The following CNIH3 variants were observed in gnomAD, a reference collection of about 807,000 sequenced individuals.
CNIH3 encodes the protein cornichon family AMPA receptor auxiliary protein 3.
A neutral mutation model predicts 24.1 loss-of-function variants in CNIH3; 14 were observed. That is an observed-to-expected ratio of 0.58 (90% confidence interval 0.38 to 0.91). The LOEUF (loss-of-function observed/expected upper bound fraction) is 0.91, where lower values mean the gene tolerates loss of function less well. CNIH3 is among the 40% of genes least tolerant of loss of function. The probability of loss-of-function intolerance (pLI) is 0.00; values close to 1 mark genes in which losing one functional copy is unlikely to be tolerated. For missense variants in CNIH3, 178 were observed against 196.8 expected (o/e 0.90, Z 0.57); for synonymous variants, 68 against 73.8 (o/e 0.92, Z 0.40).
chr1:224,557,360 T>C (rs1680179635), intron 3 of CNIH3, among the ~76,000 whole-genome samples: 1 of 152,094 alleles, frequency 6.6e-6, no homozygotes, highest in Non-Finnish European at 1.5e-5. Context: ...CTTTCCCCTC[T>C]TAGAAGGAGT....
At chr1:224,683,814 T>C (rs1686516645) in intron 2 of CNIH3, among the ~76,000 whole-genome samples, 1 of 152,236 alleles carries the variant, frequency 6.6e-6, no homozygotes, top group Non-Finnish European at 1.5e-5. Flanking sequence ...GCATTCCCTT[T>C]CGTGCGTGTG....
intron 5 of CNIH3, among the ~76,000 whole-genome samples, chr1:224,586,577 T>C (rs151205994): frequency 0.012 from 1,847 of 152,260 alleles, 9 homozygotes; most frequent in Non-Finnish European, 0.019. Context: ...CTTCGAGCCT[T>C]AGAGAAAGTC....
intron 1 of CNIH3, among the ~76,000 whole-genome samples, chr1:224,633,756 A>G (rs926118724): frequency 2.0e-5 from 3 of 152,124 alleles, no homozygotes; most frequent in Non-Finnish European, 4.4e-5. Flanking sequence ...CCAGGACTGC[A>G]CTCAGTGGGA....
chr1:224,510,158 G>A (rs1452875044), intron 1 of CNIH3, among the ~76,000 whole-genome samples: 1 of 152,172 alleles, frequency 6.6e-6, no homozygotes, highest in East Asian at 1.9e-4. Context: ...ACTGAGGGAA[G>A]TCTATGGATG....
chr1:224,532,519 A>T (rs1440332492), intron 2 of CNIH3, among the ~76,000 whole-genome samples: 1 of 152,176 alleles, frequency 6.6e-6, no homozygotes, highest in African/African-American at 2.4e-5. Context: ...GGCGGCTCCC[A>T]TCTGGGTGGT....
chr1:224,599,225 G>C (rs955196341), intron 3 of CNIH3, among the ~76,000 whole-genome samples: 1 of 152,144 alleles, frequency 6.6e-6, no homozygotes, highest in African/African-American at 2.4e-5. Flanking sequence ...TGCTCCAGGT[G>C]GTGTTAGCTG....
chr1:224,701,392 C>T (rs891527128), intron 3 of CNIH3, among the ~76,000 whole-genome samples: 13 of 152,054 alleles, frequency 8.5e-5, no homozygotes, highest in African/African-American at 2.9e-4. Context: ...TAGAGGGCCA[C>T]TTCCTGGTTC....
At chr1:224,519,954 A>G (rs1342459759) in intron 1 of CNIH3, among the ~76,000 whole-genome samples, 1 of 152,160 alleles carries the variant, frequency 6.6e-6, no homozygotes, top group Non-Finnish European at 1.5e-5. Context: ...GACAGTGCAG[A>G]ATAGAATATT....
At chr1:224,471,403 C>G (rs1371671384) in intron 1 of CNIH3, among the ~76,000 whole-genome samples, 4 of 152,138 alleles carry the variant, frequency 2.6e-5, no homozygotes, top group Non-Finnish European at 4.4e-5. Flanking sequence ...CCCACTCCCC[C>G]ACTACCCTTC....
chr1:224,523,488 G>A lies in CNIH3; in HGVS notation n.343+2161G>A, dbSNP rs560845281. Among the ~76,000 whole-genome samples the A allele has an allele frequency of 5.3e-5, 8 of 152,240 alleles. No individual in the cohort carries two copies. In the South Asian group the frequency reaches 1.7e-3, roughly 32 times the overall value. On this transcript the variant is annotated intron_variant and non_coding_transcript_variant, in intron 2 of 2. Transcript: ENST00000470602. ...TCATTTATGTAAGACTCAAGACCAG[G>A]CAAAATGAATATATGGTGTTAGAAC...
intron 3 of CNIH3, among the ~76,000 whole-genome samples, chr1:224,729,127 G>A (rs1339801544): frequency 2.6e-5 from 4 of 152,068 alleles, no homozygotes; most frequent in African/African-American, 7.2e-5. Context: ...AGTGTCATTT[G>A]AGGCTGGGGA....
At chr1:224,575,857 C>T (rs1238495734) in intron 4 of CNIH3, among the ~76,000 whole-genome samples, 2 of 152,146 alleles carry the variant, frequency 1.3e-5, no homozygotes, top group South Asian at 4.1e-4. Context: ...CACTTACCAA[C>T]TGGGCAACTT....
At chr1:224,629,595 T>C (rs1181791241) in intron 1 of CNIH3, among the ~76,000 whole-genome samples, 1 of 152,180 alleles carries the variant, frequency 6.6e-6, no homozygotes, top group Non-Finnish European at 1.5e-5. Context: ...ATAATGCTGC[T>C]GTGAATGTGG....
intron 4 of CNIH3, among the ~76,000 whole-genome samples, chr1:224,576,010 T>A (rs1438741313): frequency 6.6e-6 from 1 of 152,174 alleles, no homozygotes; most frequent in Admixed American, 6.5e-5. Flanking sequence ...GATGAACAAC[T>A]GCATCCATTC....
intron 1 of CNIH3, among the ~76,000 whole-genome samples, chr1:224,470,376 G>A (rs1042036536): frequency 2.0e-5 from 3 of 149,406 alleles, no homozygotes; most frequent in Non-Finnish European, 4.4e-5. Context: ...ATGGAGTGCA[G>A]TGGCACGATC....
intron 1 of CNIH3, among the ~76,000 whole-genome samples, chr1:224,484,481 A>G (rs944086989): frequency 5.3e-5 from 8 of 152,142 alleles, no homozygotes; most frequent in South Asian, 2.1e-4. Context: ...CACATTGACT[A>G]TGATATGTGT....
At chr1:224,560,071 A>T (rs1411971371) in intron 3 of CNIH3, among the ~76,000 whole-genome samples, 3 of 152,144 alleles carry the variant, frequency 2.0e-5, no homozygotes, top group African/African-American at 7.2e-5. Context: ...TGTAGTTTTG[A>T]TGCATTACTT....
intron 2 of CNIH3, among the ~76,000 whole-genome samples, chr1:224,533,357 C>T (rs1572426432): frequency 1.5e-5 from 2 of 135,274 alleles, no homozygotes; most frequent in Non-Finnish European, 3.1e-5. Flanking sequence ...TTCAAGATTA[C>T]AATGAGCTCT....
chr1:224,709,151 A>G (rs1483212216), intron 3 of CNIH3, among the ~76,000 whole-genome samples: 1 of 149,470 alleles, frequency 6.7e-6, no homozygotes, highest in Non-Finnish European at 1.5e-5. Flanking sequence ...CTCCTGAGTA[A>G]GTGTGGGCTC....
Sources: gnomAD v4.1 joint callset for allele counts (sites outside exome capture counted in the v4.1 genomes callset) on GRCh38, gnomAD v4.1.1 for gene constraint, MANE v1.5 for transcripts, NCBI Gene and HGNC (gene_info 2026-07-23, HGNC 2026-07-21) for gene names.